The following MSRA variants were observed in gnomAD, a reference collection of about 807,000 sequenced individuals.
MSRA encodes methionine sulfoxide reductase A, also known as mitochondrial peptide methionine sulfoxide reductase.
In MSRA, 54 loss-of-function variants were observed where a neutral mutation model predicts 31.3. That is an observed-to-expected ratio of 1.73 (90% confidence interval 1.39 to 2.17). MSRA has a LOEUF of 2.17. Among genes scored for constraint, MSRA ranks in the 30% most tolerant of loss-of-function variants. The probability of loss-of-function intolerance (pLI) is 0.00; values close to 1 mark genes in which losing one functional copy is unlikely to be tolerated. For missense variants in MSRA, 507 were observed against 300.9 expected, an observed-to-expected ratio of 1.69 and a Z score of -5.07; for synonymous variants, 169 against 116.5, an observed-to-expected ratio of 1.45 and a Z score of -2.90.
At chr8:10,291,761 G>T (rs1191122411) in intron 3 of MSRA, among the ~76,000 whole-genome samples, 1 of 152,138 alleles carries the variant, frequency 6.6e-6, no homozygotes, top group Non-Finnish European at 1.5e-5. Flanking sequence ...GCAGGGAAAG[G>T]ATGAGGGAGG....
At chr8:10,108,235 TC>T (rs1235494841) in intron 1 of MSRA, among the ~76,000 whole-genome samples, 3 of 152,178 alleles carry the variant, frequency 2.0e-5, no homozygotes, top group African/African-American at 7.2e-5. Flanking sequence ...CATCAGGCCT[TC>T]CTGGAGATAC....
rs1036312431 is a variant in MSRA at position 10,402,992 on chromosome 8, G to T, written c.544-25156G>T. ...TATCTGAAAACTGGAAGAGAAGACA[G>T]CTTCTAAGCAACCAGAAGTTATGTA... On this transcript the variant is annotated intron_variant, in intron 5 of 5. Coordinates refer to ENST00000317173, the MANE Select transcript of MSRA (RefSeq NM_012331.5). Among the ~76,000 whole-genome samples the T allele has an allele frequency of 5.9e-5, 9 of 152,306 alleles. No homozygotes were observed. In the East Asian group the frequency reaches 1.7e-3, roughly 29 times the overall value.
chr8:10,175,242 C>T (rs1236771996), intron 1 of MSRA, among the ~76,000 whole-genome samples: 1 of 152,174 alleles, frequency 6.6e-6, no homozygotes, highest in Non-Finnish European at 1.5e-5. Context: ...CTCGGTCATT[C>T]CATTGTTTTA....
intron 1 of MSRA, among the ~76,000 whole-genome samples, chr8:10,069,188 C>G (rs1172004158): frequency 6.6e-6 from 1 of 152,190 alleles, no homozygotes; most frequent in Non-Finnish European, 1.5e-5. Context: ...TCTACATAGA[C>G]AGTCATGTCA....
chr8:10,168,660 A>C (rs528363526), intron 1 of MSRA, among the ~76,000 whole-genome samples: 14 of 152,330 alleles, frequency 9.2e-5, no homozygotes, highest in African/African-American at 3.4e-4. Flanking sequence ...CCAATGTCAC[A>C]TAGCTAGTAA....
chr8:10,396,261 C>G (rs1241355357), intron 5 of MSRA, among the ~76,000 whole-genome samples: 3 of 152,222 alleles, frequency 2.0e-5, no homozygotes, highest in Non-Finnish European at 4.4e-5. Context: ...TTCTCAGGTG[C>G]ACTGTCTCTT....
At chr8:10,247,223 A>T (rs949398395) in intron 3 of MSRA, among the ~76,000 whole-genome samples, 1 of 152,222 alleles carries the variant, frequency 6.6e-6, no homozygotes, top group Non-Finnish European at 1.5e-5. Context: ...TCCATGAAGT[A>T]TGTCAGCTTC....
intron 5 of MSRA, among the ~76,000 whole-genome samples, chr8:10,425,028 G>A (rs760056078): frequency 1.0e-3 from 153 of 152,214 alleles, no homozygotes; most frequent in Non-Finnish European, 1.0e-3. Flanking sequence ...ACTTGCAAGT[G>A]AGGCAGCGGA....
At chr8:10,152,795 C>T (rs916450719) in intron 1 of MSRA, among the ~76,000 whole-genome samples, 4 of 152,130 alleles carry the variant, frequency 2.6e-5, no homozygotes, top group South Asian at 2.1e-4. Context: ...AGAATGTGGT[C>T]TATCTGTGCA....
intron 2 of MSRA, among the ~76,000 whole-genome samples, chr8:10,234,403 A>C (rs1313973560): frequency 6.6e-6 from 1 of 152,156 alleles, no homozygotes; most frequent in Non-Finnish European, 1.5e-5. Flanking sequence ...GGTTTGGAAA[A>C]CATAGTGAAG....
chr8:10,251,772 A>G (rs1408666839), intron 3 of MSRA, among the ~76,000 whole-genome samples: 1 of 151,832 alleles, frequency 6.6e-6, no homozygotes, highest in Non-Finnish European at 1.5e-5. Context: ...ATGAGAAAAC[A>G]GCTGGTTTTG....
At chr8:10,349,332 C>T (rs1803980450) in intron 5 of MSRA, among the ~76,000 whole-genome samples, 1 of 152,204 alleles carries the variant, frequency 6.6e-6, no homozygotes, top group African/African-American at 2.4e-5. Flanking sequence ...TGGGTTTCTG[C>T]TCCGCCGTGC....
chr8:10,421,539 G>A (rs941501739), intron 5 of MSRA, among the ~76,000 whole-genome samples: 3 of 151,894 alleles, frequency 2.0e-5, no homozygotes, highest in East Asian at 1.9e-4. Flanking sequence ...TGAGACACTC[G>A]GGCACTTGGA....
At chr8:10,174,341 G>A (rs1440702036) in intron 1 of MSRA, among the ~76,000 whole-genome samples, 5 of 152,170 alleles carry the variant, frequency 3.3e-5, no homozygotes, top group Admixed American at 2.6e-4. Flanking sequence ...GTGCAGGTGA[G>A]CGAAGGCATG....
chr8:10,077,824 G>A (rs1017572496), intron 1 of MSRA, among the ~76,000 whole-genome samples: 1 of 152,124 alleles, frequency 6.6e-6, no homozygotes, highest in Non-Finnish European at 1.5e-5. Flanking sequence ...GGAGGAGACT[G>A]TTGGTGTCCA....
At chr8:10,397,880 A>C (rs1217073512) in intron 5 of MSRA, among the ~76,000 whole-genome samples, 1 of 152,242 alleles carries the variant, frequency 6.6e-6, no homozygotes, top group Non-Finnish European at 1.5e-5. Context: ...GAAGTAAGGA[A>C]GTAAGCCCAT....
chr8:10,116,353 T>C (rs528705163), intron 1 of MSRA, among the ~76,000 whole-genome samples: 2 of 152,334 alleles, frequency 1.3e-5, no homozygotes, highest in African/African-American at 4.8e-5. Flanking sequence ...AGCCCAAAGA[T>C]TGGACACCCC....
intron 1 of MSRA, among the ~76,000 whole-genome samples, chr8:10,098,887 A>G (rs1350651207): frequency 6.6e-6 from 1 of 152,248 alleles, no homozygotes; most frequent in African/African-American, 2.4e-5. Context: ...GAACCTTCGA[A>G]GACGTGGCTG....
chr8:10,310,467 A>C (rs775795797), intron 4 of MSRA, among the ~76,000 whole-genome samples: 1 of 152,222 alleles, frequency 6.6e-6, no homozygotes, highest in Non-Finnish European at 1.5e-5. Flanking sequence ...TCCTTCTGTC[A>C]TATAATACTA....
Sources: gnomAD v4.1 joint callset for allele counts (sites outside exome capture counted in the v4.1 genomes callset) on GRCh38, gnomAD v4.1.1 for gene constraint, MANE v1.5 for transcripts, NCBI Gene and HGNC (gene_info 2026-07-23, HGNC 2026-07-21) for gene names.